MCC: variants seen among roughly 807,000 people sequenced by gnomAD.
The protein encoded by MCC is MCC regulator of Wnt signaling pathway.
MCC carries 90 observed loss-of-function variants against 116.2 expected under a neutral mutation model. The ratio of observed to expected loss-of-function variants is 0.77; its 90% CI spans 0.65 to 0.92. The LOEUF (loss-of-function observed/expected upper bound fraction) is 0.92. Among genes scored for constraint, MCC ranks in the 40% least tolerant of loss-of-function variants. MCC has a pLI of 0.00. For synonymous variants in MCC, 578 were observed against 510.5 expected, an observed-to-expected ratio of 1.13 and a Z score of -1.78; for missense variants, 1,516 against 1,312.2, an observed-to-expected ratio of 1.16 and a Z score of -2.40.
chr5:113,378,041 C>T (rs1373293048), intron 2 of MCC, among the ~76,000 whole-genome samples: 2 of 152,124 alleles, frequency 1.3e-5, no homozygotes, highest in Non-Finnish European at 2.9e-5. Flanking sequence ...AGCATTCATT[C>T]TGGAAAACTG....
chr5:113,383,650 G>A (rs191527847), intron 2 of MCC, among the ~76,000 whole-genome samples: 15 of 151,554 alleles, frequency 9.9e-5, no homozygotes, highest in East Asian at 1.9e-4. Context: ...TTTTTTCCCC[G>A]TGTTTTTTTA....
At chr5:113,108,608 G>A (rs185173223) in intron 6 of MCC, among the ~76,000 whole-genome samples, 150 of 148,340 alleles carry the variant, frequency 1.0e-3, no homozygotes, top group Admixed American at 1.7e-3. Flanking sequence ...AGCTGAGATC[G>A]AGCCATTGCA....
chr5:113,465,942 T>TC (rs1304644382), intron 1 of MCC, among the ~76,000 whole-genome samples: 32 of 142,996 alleles, frequency 2.2e-4, no homozygotes, highest in Non-Finnish European at 3.4e-4. Flanking sequence ...TTAACCCACA[T>TC]TTTTTTTTTT....
rs115066017 is a variant in MCC, at chr5:113,215,556, G to A, written c.628-64134C>T. On this transcript the variant is annotated intron_variant, in intron 3 of 18. Transcript: ENST00000408903. ...GGGATTAAGGCTCTTATAAAAGACG[G>A]TTCATGGGCTGGCGGGGGAGGGCGG... Among the ~76,000 whole-genome samples the A allele has an allele frequency of 6.6e-3, 1,005 of 152,208 alleles. 10 individuals carry two copies. Among genetic ancestry groups the A allele is most frequent in the African/African-American group, 0.023 (954 of 41,526 alleles).
At chr5:113,327,229 T>C (rs1344895865) in intron 3 of MCC, among the ~76,000 whole-genome samples, 1 of 151,854 alleles carries the variant, frequency 6.6e-6, no homozygotes, top group Non-Finnish European at 1.5e-5. Flanking sequence ...GGTATGTGTG[T>C]GTTGGGGGGT....
intron 2 of MCC, among the ~76,000 whole-genome samples, chr5:113,365,011 T>C (rs938092448): frequency 6.6e-6 from 1 of 152,218 alleles, no homozygotes; most frequent in African/African-American, 2.4e-5. Context: ...TTTGAGGTCT[T>C]TTCCCTATTG....
intron 3 of MCC, among the ~76,000 whole-genome samples, chr5:113,291,265 C>T (rs1169063717): frequency 6.6e-6 from 1 of 152,162 alleles, no homozygotes; most frequent in East Asian, 1.9e-4. Flanking sequence ...CTCCTATCTC[C>T]CTAGTATCCA....
In MCC at chr5:113,151,440, A is replaced by C. The variant is rs1947026; in HGVS notation, c.628-18T>G. 970,734 of 1,395,752 alleles carry C rather than the reference A, an allele frequency of 0.7. 338,775 individuals are homozygous for C. Among genetic ancestry groups the C allele is most frequent in the East Asian group, 0.79 (34,546 of 43,606 alleles). 86.5% of individuals were successfully genotyped at this position (1,395,752 alleles called of 1,614,324 possible). A position where few individuals can be genotyped will look rare whatever the true frequency, so the allele number is the denominator to read the frequency against. On this transcript the variant is annotated intron_variant, in intron 3 of 18. Coordinates refer to ENST00000408903, the MANE Select transcript of MCC (RefSeq NM_001085377.2). The stretch of plus-strand genomic sequence containing the variant: ...GAATGGAGCTGTGGTGACAGAAAGG[A>C]GGAGATTAGAGTATTGTAGCAGAGA...
intron 1 of MCC, among the ~76,000 whole-genome samples, chr5:113,398,578 A>G (rs1451222641): frequency 1.3e-5 from 2 of 152,236 alleles, no homozygotes; most frequent in African/African-American, 4.8e-5. Context: ...TAACACAAGA[A>G]CAGAAAACCA....
chr5:113,052,723 G>A (rs1167056002), intron 15 of MCC, among the ~76,000 whole-genome samples: 1 of 152,152 alleles, frequency 6.6e-6, no homozygotes. Context: ...GCCACGACCT[G>A]CTCTGGCTTG....
At chr5:113,126,879 T>C (rs1385267476) in intron 5 of MCC, among the ~76,000 whole-genome samples, 2 of 152,216 alleles carry the variant, frequency 1.3e-5, no homozygotes, top group African/African-American at 4.8e-5. Context: ...TGGGGTTTTT[T>C]AAACTCTTAT....
At chr5:113,294,618 G>C (rs571515943) in intron 3 of MCC, 2 of 1,158,136 alleles carry the variant, frequency 1.7e-6, no homozygotes, top group Non-Finnish European at 2.1e-6. Context: ...CGGTGGCGCG[G>C]CGCGCTCGCA....
chr5:113,065,962 C>T (rs1360467643), intron 13 of MCC, among the ~76,000 whole-genome samples: 1 of 152,228 alleles, frequency 6.6e-6, no homozygotes, highest in East Asian at 1.9e-4. Flanking sequence ...GGAACTCCCT[C>T]CTGTCATTTC....
In MCC at chr5:113,488,374, C is replaced by G. The variant is rs773784998; in HGVS notation, c.41G>C (p.Ser14Thr). ...GCTGCCGCCGCCGCCGCCGCCGCTG[C>G]TGGAGCTCCCCGCAGCCGCTGCCGC... ...AAAAAAAGSSSSGGGGGGSGS... is the reference protein window; with the variant it reads ...AAAAAAAGSSTSGGGGGGSGS... Residue 14 changes from serine to threonine, a missense_variant, in exon 1 of 19, where the codon AGC (serine) becomes ACC (threonine). Coordinates refer to ENST00000408903, the MANE Select transcript of MCC (RefSeq NM_001085377.2). 84 of 1,506,048 alleles carry G rather than the reference C, an allele frequency of 5.6e-5. No homozygotes were observed. Among genetic ancestry groups the G allele is most frequent in the Non-Finnish European group, 7.1e-5 (80 of 1,133,518 alleles). The allele number at this position is 1,506,048 out of a possible 1,614,324, so 93.3% of individuals were successfully genotyped here. A position where few individuals can be genotyped will look rare whatever the true frequency, so the allele number is the denominator to read the frequency against.
intron 3 of MCC, among the ~76,000 whole-genome samples, chr5:113,283,284 T>C (rs868221508): frequency 6.6e-6 from 1 of 152,200 alleles, no homozygotes; most frequent in South Asian, 2.1e-4. Context: ...GACTAAGGGA[T>C]TGATAATCCA....
chr5:113,087,606 CGGTGAAT>C lies in MCC; in HGVS notation c.1399-2303_1399-2297del, dbSNP rs568863521. 5.8e-4 allele frequency among the ~76,000 whole-genome samples: 89 copies of C among 152,162 alleles called. 1 individual carries two copies. The East Asian group carries it at 0.016, about 28-fold the overall frequency. On this transcript the variant is annotated intron_variant, in intron 8 of 18. Coordinates refer to ENST00000408903, the MANE Select transcript of MCC (RefSeq NM_001085377.2). ...CCTCCCGGTGGAGACTTGCAACCTC[CGGTGAAT>C]TCAACCTCCCGGTGAATTTCAGTTT...
At chr5:113,347,127 A>G (rs1375343722) in intron 2 of MCC, among the ~76,000 whole-genome samples, 1 of 152,208 alleles carries the variant, frequency 6.6e-6, no homozygotes, top group Non-Finnish European at 1.5e-5. Flanking sequence ...TTAATGAGCA[A>G]CAAGTGCTCA....
intron 3 of MCC, among the ~76,000 whole-genome samples, chr5:113,299,431 T>C (rs1263050474): frequency 6.6e-6 from 1 of 151,846 alleles, no homozygotes. Context: ...TGGTGGTAAT[T>C]TAAATGTCTT....
At chr5:113,257,731 T>C (rs561569036) in intron 3 of MCC, among the ~76,000 whole-genome samples, 1 of 151,888 alleles carries the variant, frequency 6.6e-6, no homozygotes, top group South Asian at 2.1e-4. Flanking sequence ...GGGATGTGGG[T>C]GTGTGAAAGA....
Sources: allele counts gnomAD v4.1 joint callset (sites outside exome capture counted in the v4.1 genomes callset), GRCh38; gene constraint gnomAD v4.1.1; transcripts MANE v1.5; gene names NCBI Gene and HGNC (gene_info 2026-07-23, HGNC 2026-07-21).